Variants in LEMD3 observed in about 807,000 individuals in gnomAD.
LEMD3 encodes LEM domain containing 3.
Under a neutral mutation model 95.2 loss-of-function variants are expected in LEMD3, and 33 were observed. That is an observed-to-expected ratio of 0.35 (90% CI 0.26 to 0.46). LEMD3 has a LOEUF of 0.46. LEMD3 is among the 20% of genes least tolerant of loss of function. The pLI, the probability that LEMD3 is intolerant of heterozygous loss-of-function variation, is 1.00. For missense variants in LEMD3, 1,210 were observed against 1,192.8 expected (o/e 1.01, Z -0.21); for synonymous variants, 525 against 474.6 (o/e 1.11, Z -1.38).
Position 65,169,808 on chromosome 12 carries a change from C to G in LEMD3, c.212C>G (p.Thr71Arg), listed in dbSNP as rs767085294. 3.3e-6 allele frequency: 5 copies of G among 1,505,054 alleles called. No homozygotes were observed. The highest frequency in any genetic ancestry group is 4.4e-6 in the Non-Finnish European group (5 of 1,124,726). 93.2% of individuals were successfully genotyped at this position (1,505,054 alleles called of 1,614,324 possible). ...NKTRNSNNNNTAAATVAAAGP... is the reference protein window; with the variant it reads ...NKTRNSNNNNRAAATVAAAGP... ...ACGCGGAACAGTAATAACAATAACA[C>G]GGCAGCCGCCACGGTCGCAGCCGCG... Residue 71 changes from threonine to arginine, a missense_variant, in exon 1 of 13, where the codon ACG becomes AGG. Transcript: ENST00000308330.
chr12:65,193,732 CTG>C (rs746675293), intron 1 of LEMD3, among the ~76,000 whole-genome samples: 7,719 of 129,346 alleles, frequency 0.06, 260 homozygotes, highest in Middle Eastern at 0.077. Flanking sequence ...ACATAACTGG[CTG>C]TGTGTGTGTG....
intron 1 of LEMD3, among the ~76,000 whole-genome samples, chr12:65,179,009 T>G (rs1868818405): frequency 6.6e-6 from 1 of 152,128 alleles, no homozygotes; most frequent in Non-Finnish European, 1.5e-5. Flanking sequence ...GGTTTTAGAT[T>G]AATTAAGGGG....
At chr12:65,200,030 G>A (rs1869547315) in intron 1 of LEMD3, among the ~76,000 whole-genome samples, 1 of 151,328 alleles carries the variant, frequency 6.6e-6, no homozygotes, top group South Asian at 2.1e-4. Context: ...CAGAGGGGTT[G>A]GGGGTGCAAC....
intron 4 of LEMD3, among the ~76,000 whole-genome samples, chr12:65,218,846 A>G (rs1565792551): frequency 2.7e-5 from 4 of 149,034 alleles, no homozygotes; most frequent in African/African-American, 7.5e-5. Flanking sequence ...CTGGAGTGCA[A>G]TGGCTGATCT....
chr12:65,209,797 C>G (rs1869883512), intron 1 of LEMD3, among the ~76,000 whole-genome samples: 1 of 151,950 alleles, frequency 6.6e-6, no homozygotes, highest in Non-Finnish European at 1.5e-5. Flanking sequence ...GCTGGTCTCA[C>G]ATGAACTTTC....
At chr12:65,206,198 A>G (rs1212093743) in intron 1 of LEMD3, among the ~76,000 whole-genome samples, 2 of 152,170 alleles carry the variant, frequency 1.3e-5, no homozygotes, top group Non-Finnish European at 2.9e-5. Flanking sequence ...TAATACTAGA[A>G]GATGGGATTT....
At chr12:65,221,816 A>G (rs1870301209) in intron 4 of LEMD3, among the ~76,000 whole-genome samples, 1 of 149,758 alleles carries the variant, frequency 6.7e-6, no homozygotes, top group Admixed American at 6.6e-5. Context: ...TCTCTGCTCA[A>G]TACAACCTCC....
rs371624142 is a variant in LEMD3, at chr12:65,246,242, T to C, written c.2653T>C (p.Leu885=). 21 of 1,613,040 alleles carry C rather than the reference T, an allele frequency of 1.3e-5. No homozygotes were observed. In the African/African-American group the frequency reaches 2.1e-4, roughly 16 times the overall value. Reference sequence around the variant, plus strand: ...CCAGGCTCTCACTTCCAACACTCCATTGAAGCCATCAAATAAACATATGAA... The same window carrying C: ...CCAGGCTCTCACTTCCAACACTCCACTGAAGCCATCAAATAAACATATGAA... ...FPQALTSNTP[L]KPSNKHMNSM... Residue 885 remains leucine (L), a synonymous_variant, in exon 13 of 13, where the codon TTG becomes CTG. Transcript: ENST00000308330.
chr12:65,193,044 A>G (rs1869293584), intron 1 of LEMD3, among the ~76,000 whole-genome samples: 1 of 152,188 alleles, frequency 6.6e-6, no homozygotes, highest in South Asian at 2.1e-4. Flanking sequence ...GCTGTGCTGT[A>G]TAATACATGA....
chr12:65,207,917 A>G (rs1271727646), intron 1 of LEMD3, among the ~76,000 whole-genome samples: 2 of 152,156 alleles, frequency 1.3e-5, no homozygotes. Flanking sequence ...AGAAAAGATC[A>G]GTAAAACTAG....
Position 65,170,373 on chromosome 12 carries a change from G to C in LEMD3, c.777G>C (p.Ser259=). ...LVPYSCRENY[S]DSEEEDDDDV... is the part of the protein sequence containing the mutation. ...CCTACAGCTGCCGGGAAAACTATTC[G>C]GACTCAGAGGAAGAGGACGACGACG... Residue 259 remains serine (S), a synonymous_variant, in exon 1 of 13, where the codon TCG becomes TCC. Coordinates refer to ENST00000308330, the MANE Select transcript of LEMD3 (RefSeq NM_014319.5). 1.2e-6 allele frequency: 2 copies of C among 1,613,596 alleles called. No individual in the cohort carries two copies. The highest frequency in any genetic ancestry group is 1.7e-6 in the Non-Finnish European group (2 of 1,179,766).
chr12:65,236,585 G>A (rs1870779699), intron 4 of LEMD3, among the ~76,000 whole-genome samples: 2 of 151,922 alleles, frequency 1.3e-5, no homozygotes, highest in African/African-American at 4.8e-5. Flanking sequence ...GCTCAAAAGG[G>A]ACATAAAGAC....
In LEMD3 at chr12:65,210,966, A is replaced by G; in HGVS notation, c.1560+3A>G. Reference sequence around the variant, plus strand: ...GTGAAACATTTGGAAAAATACAAGTAAGTAAACGATCATAATACTGATAAT... The same window carrying G: ...GTGAAACATTTGGAAAAATACAAGTGAGTAAACGATCATAATACTGATAAT... On this transcript the variant is annotated splice_donor_region_variant and intron_variant, in intron 2 of 12. Transcript: ENST00000308330. The G allele has an allele frequency of 1.3e-6, 2 of 1,581,490 alleles. No individual in the cohort carries two copies. The highest frequency in any genetic ancestry group is 2.2e-5 in the East Asian group (1 of 44,644).
chr12:65,207,201 G>T lies in LEMD3; in HGVS notation c.1523-3725G>T, dbSNP rs11175676. Among the ~76,000 whole-genome samples the T allele has an allele frequency of 0.015, 2,322 of 152,182 alleles. 87 individuals carry two copies. In the East Asian group the frequency reaches 0.17, roughly 11 times the overall value. ...AATTTCCTTTTTATTCAACGGAGAGGGTTGTAGTAATCAAGACTATAGTAC... is the reference window on the plus strand; with the variant it reads ...AATTTCCTTTTTATTCAACGGAGAGTGTTGTAGTAATCAAGACTATAGTAC... On this transcript the variant is annotated intron_variant, in intron 1 of 12. Transcript: ENST00000308330.
At chr12:65,182,755 A>G (rs1290464329) in intron 1 of LEMD3, among the ~76,000 whole-genome samples, 2 of 152,222 alleles carry the variant, frequency 1.3e-5, no homozygotes, top group Non-Finnish European at 2.9e-5. Flanking sequence ...AAAATGTAGT[A>G]CTGAATTTGA....
chr12:65,233,710 C>T (rs1346475914), intron 4 of LEMD3, among the ~76,000 whole-genome samples: 1 of 152,072 alleles, frequency 6.6e-6, no homozygotes, highest in Admixed American at 6.6e-5. Flanking sequence ...TTGATTTCTC[C>T]CTATACCAGT....
At chr12:65,216,248 G>A (rs189148346) in intron 3 of LEMD3, among the ~76,000 whole-genome samples, 1 of 151,416 alleles carries the variant, frequency 6.6e-6, no homozygotes, top group African/African-American at 2.4e-5. Flanking sequence ...CTGTATTAGA[G>A]GTAATATATA....
At chr12:65,208,777 T>C (rs1228505436) in intron 1 of LEMD3, among the ~76,000 whole-genome samples, 1 of 152,130 alleles carries the variant, frequency 6.6e-6, no homozygotes, top group Non-Finnish European at 1.5e-5. Context: ...GCAATTATCA[T>C]GAGCATTTGG....
At chr12:65,205,132 A>G (rs1241326270) in intron 1 of LEMD3, among the ~76,000 whole-genome samples, 1 of 152,162 alleles carries the variant, frequency 6.6e-6, no homozygotes, top group East Asian at 1.9e-4. Context: ...AGAGCCACTT[A>G]TAAAACCATC....
Sources: allele counts gnomAD v4.1 joint callset (sites outside exome capture counted in the v4.1 genomes callset), GRCh38; gene constraint gnomAD v4.1.1; transcripts MANE v1.5; gene names NCBI Gene and HGNC (gene_info 2026-07-23, HGNC 2026-07-21).